The following SIM1 variants were observed in gnomAD, a reference collection of about 807,000 sequenced individuals.
The protein encoded by SIM1 is single-minded homolog 1.
A neutral mutation model predicts 78.2 loss-of-function variants in SIM1; 18 were observed. The observed-to-expected ratio is 0.23, with a 90% confidence interval of 0.16 to 0.34. The LOEUF (loss-of-function observed/expected upper bound fraction) is 0.34, where lower values mean the gene tolerates loss of function less well. Among genes scored for constraint, SIM1 ranks in the 10% least tolerant of loss-of-function variants. The pLI, the probability that SIM1 is intolerant of heterozygous loss-of-function variation, is 1.00. For synonymous variants in SIM1, 417 were observed against 385.2 expected (o/e 1.08, Z -0.97); for missense variants, 939 against 975.1 (o/e 0.96, Z 0.49).
intron 9 of SIM1, 69 bp from the exon 10 acceptor site, chr6:100,421,027 G>T: frequency 6.8e-7 from 1 of 1,462,230 alleles, no homozygotes; most frequent in Non-Finnish European, 9.2e-7. Flanking sequence ...ACTCTCATCA[G>T]GAATGATAGT....
At chr6:100,457,989 G>A (rs912336572) in intron 2 of SIM1, among the ~76,000 whole-genome samples, 1 of 144,156 alleles carries the variant, frequency 6.9e-6, no homozygotes, top group South Asian at 2.2e-4. Context: ...AGGTCACACC[G>A]CTGTCTGTCT....
At chr6:100,423,145 CT>C (rs1315778907) in intron 9 of SIM1, among the ~76,000 whole-genome samples, 1 of 152,244 alleles carries the variant, frequency 6.6e-6, no homozygotes, top group African/African-American at 2.4e-5. Flanking sequence ...TCTGAGCACT[CT>C]GTCAGAAATG....
intron 9 of SIM1, among the ~76,000 whole-genome samples, chr6:100,436,192 TA>T (rs1241154657): frequency 6.6e-6 from 1 of 152,194 alleles, no homozygotes; most frequent in East Asian, 1.9e-4. Context: ...CTTTCCTCCA[TA>T]AAGGCATCTC....
chr6:100,412,754 A>G (rs148598075), intron 10 of SIM1, among the ~76,000 whole-genome samples: 3,666 of 127,594 alleles, frequency 0.029, 112 homozygotes, highest in Middle Eastern at 0.045. Flanking sequence ...AAAGAAAGAA[A>G]AAAGAAAAGA....
chr6:100,403,912 G>T (rs1770990316), intron 10 of SIM1, among the ~76,000 whole-genome samples: 1 of 152,238 alleles, frequency 6.6e-6, no homozygotes, highest in South Asian at 2.1e-4. Flanking sequence ...TTTGCCCAAA[G>T]TTGCATGATT....
intron 2 of SIM1, among the ~76,000 whole-genome samples, chr6:100,461,274 T>C (rs1223305327): frequency 6.6e-6 from 1 of 152,198 alleles, no homozygotes; most frequent in Non-Finnish European, 1.5e-5. Flanking sequence ...AGTTAGCACT[T>C]AATTATGCAA....
intron 1 of SIM1, among the ~76,000 whole-genome samples, chr6:100,464,233 C>T (rs957823445): frequency 1.2e-4 from 19 of 152,214 alleles, no homozygotes; most frequent in African/African-American, 4.1e-4. Context: ...CGAGTCCGCG[C>T]CCAGGCCGGG....
chr6:100,443,537 TCTC>T (rs1307064303), intron 9 of SIM1, among the ~76,000 whole-genome samples: 4 of 152,106 alleles, frequency 2.6e-5, no homozygotes, highest in Non-Finnish European at 2.9e-5. Flanking sequence ...CCTACGAAAG[TCTC>T]CTCACAAAAT....
At position 100,448,266 on chromosome 6, in the gene SIM1, T is replaced by A; in HGVS notation, c.744-14A>T. On this transcript the variant is annotated splice_polypyrimidine_tract_variant and intron_variant, in intron 7 of 11. Coordinates refer to ENST00000369208, the MANE Select transcript of SIM1 (RefSeq NM_005068.3). ...AGCTCCGCCACCCTGAGGAGAGCAA[T>A]CCCTGCAGGATGAATGCAGGCGCGG... 1 of 1,603,460 alleles carries A rather than the reference T, an allele frequency of 6.2e-7. No individual in the cohort carries two copies. The highest frequency in any genetic ancestry group is 8.5e-7 in the Non-Finnish European group (1 of 1,173,014).
chr6:100,448,473 A>G lies in SIM1; in HGVS notation c.743+6T>C, dbSNP rs1562254927. On this transcript the variant is annotated splice_donor_region_variant and intron_variant, in intron 7 of 11. Transcript: ENST00000369208. ...GGAGAGGCCCTTTCCGGCCCTGCCC[A>G]CCCACCTGGAGTCCAGAAAGATGAG... is the stretch of plus-strand genomic sequence containing the variant. The G allele has an allele frequency of 6.2e-7, 1 of 1,613,248 alleles. No homozygotes were observed. The highest frequency in any genetic ancestry group is 1.3e-5 in the African/African-American group (1 of 75,030).
chr6:100,405,431 T>C, intron 10 of SIM1, among the ~76,000 whole-genome samples: 1 of 152,152 alleles, frequency 6.6e-6, no homozygotes, highest in Non-Finnish European at 1.5e-5. Context: ...ATTTCTTCCT[T>C]CATTTTAAAG....
At chr6:100,395,265 T>C (rs1375311447) in intron 10 of SIM1, among the ~76,000 whole-genome samples, 2 of 152,208 alleles carry the variant, frequency 1.3e-5, no homozygotes, top group African/African-American at 4.8e-5. Flanking sequence ...CCATATACAT[T>C]CCATATACAT....
intron 10 of SIM1, among the ~76,000 whole-genome samples, chr6:100,402,640 C>T (rs952373118): frequency 1.5e-5 from 2 of 133,594 alleles, no homozygotes; most frequent in Non-Finnish European, 3.1e-5. Flanking sequence ...TGCAGTGGCA[C>T]GATCTCGGCT....
intron 9 of SIM1, among the ~76,000 whole-genome samples, chr6:100,422,306 C>T (rs561634189): frequency 1.3e-5 from 2 of 152,036 alleles, no homozygotes; most frequent in South Asian, 2.1e-4. Context: ...TGGGTTCAAG[C>T]GATTTTCTTG....
intron 9 of SIM1, among the ~76,000 whole-genome samples, chr6:100,434,548 C>G: frequency 6.6e-6 from 1 of 152,096 alleles, no homozygotes; most frequent in East Asian, 1.9e-4. Flanking sequence ...ATTACAAGCA[C>G]GAGAGTAAAA....
At chr6:100,395,088 C>T (rs977731201) in intron 10 of SIM1, among the ~76,000 whole-genome samples, 2 of 152,092 alleles carry the variant, frequency 1.3e-5, no homozygotes, top group East Asian at 3.9e-4. Flanking sequence ...AGGAAGTGTG[C>T]TCAGTTTGAA....
chr6:100,390,143 G>T lies in SIM1; in HGVS notation c.*218C>A. ...ATCTATTCTGGTTCCCATATAATTA[G>T]AGGGGAAATTTGTGTATTCAATTTA... On this transcript the variant is annotated 3_prime_UTR_variant, in exon 12 of 12. Transcript: ENST00000369208. 1.8e-6 allele frequency: 1 copy of T among 557,082 alleles called. No homozygotes were observed. The highest frequency in any genetic ancestry group is 4.7e-4 in the Middle Eastern group (1 of 2,122). The allele number at this position is 557,082 out of a possible 1,614,324, so 34.5% of individuals were successfully genotyped here. A position where few individuals can be genotyped will look rare whatever the true frequency, so the allele number is the denominator to read the frequency against.
chr6:100,451,072 G>T (rs1772502450), intron 3 of SIM1, among the ~76,000 whole-genome samples: 1 of 152,174 alleles, frequency 6.6e-6, no homozygotes, highest in Non-Finnish European at 1.5e-5. Context: ...CCTCAGTCCA[G>T]GCAGAGACAA....
chr6:100,416,844 T>C (rs929964049), intron 10 of SIM1, among the ~76,000 whole-genome samples: 6 of 152,224 alleles, frequency 3.9e-5, no homozygotes, highest in African/African-American at 1.4e-4. Context: ...TACAGTCCCT[T>C]TTATTTCAGG....
Sources: allele counts gnomAD v4.1 joint callset (sites outside exome capture counted in the v4.1 genomes callset), GRCh38; gene constraint gnomAD v4.1.1; transcripts MANE v1.5; gene names NCBI Gene and HGNC (gene_info 2026-07-23, HGNC 2026-07-21).